KIF2C: variants seen among roughly 807,000 people sequenced by gnomAD.
KIF2C encodes kinesin family member 2C.
In KIF2C, 34 loss-of-function variants were observed where a neutral mutation model predicts 97.4. The observed-to-expected ratio is 0.35, with a 90% CI of 0.27 to 0.46. KIF2C has a LOEUF of 0.46. Ranked by LOEUF, KIF2C falls within the 20% of genes least tolerant of loss-of-function variation. The pLI is 1.00. For synonymous variants in KIF2C, 313 were observed against 318.2 expected, an observed-to-expected ratio of 0.98 and a Z score of 0.17; for missense variants, 750 against 907.6, an observed-to-expected ratio of 0.83 and a Z score of 2.23.
In KIF2C at chr1:44,753,218, A is replaced by T; in HGVS notation, c.526A>T (p.Ile176Phe). ...GGAGATGGAAGAGCAAGTCCATTCC[A>T]TCCGAGGCAGCTCTTCTGCAAACCC... is the stretch of plus-strand genomic sequence containing the variant. ...SEEMEEQVHS[I>F]RGSSSANPVN... The change falls in exon 6 of 21, where the codon ATC becomes TTC. Residue 176 changes from isoleucine to phenylalanine, a missense_variant. Ile to Phe is a conservative substitution (Grantham distance 21). Coordinates refer to ENST00000372224, the MANE Select transcript of KIF2C (RefSeq NM_006845.4). The T allele has an allele frequency of 6.2e-7, 1 of 1,613,906 alleles. No homozygotes were observed. The highest frequency in any genetic ancestry group is 8.5e-7 in the Non-Finnish European group (1 of 1,179,874).
intron 1 of KIF2C, 146 bp from the exon 2 acceptor site, chr1:44,740,767 T>G: frequency 1.8e-6 from 1 of 557,590 alleles, no homozygotes; most frequent in South Asian, 2.3e-5. Flanking sequence ...GGAGATTTAT[T>G]TGTTTCTCTT....
intron 17 of KIF2C, 35 bp from the exon 18 acceptor site, chr1:44,762,311 G>A: frequency 6.4e-7 from 1 of 1,555,654 alleles, no homozygotes; most frequent in Non-Finnish European, 8.9e-7. Context: ...TACCAAGGGG[G>A]TGCTGTGGGA....
intron 2 of KIF2C, among the ~76,000 whole-genome samples, chr1:44,744,160 C>G (rs1458662273): frequency 6.6e-6 from 1 of 151,884 alleles, no homozygotes; most frequent in Non-Finnish European, 1.5e-5. Context: ...CACGATCTCC[C>G]TCAGTGAGCC....
rs1173133368 is a variant in KIF2C, at chr1:44,759,341, G to A, written c.1360G>A (p.Ala454Thr). ...CATCAAGATGATCGACATGGGCAGC[G>A]CCTGCAGGTGAGAGTCCTGGTGAGG... ...DVIKMIDMGS[A>T]CRTSGQTFAN... Residue 454 changes from alanine (A) to threonine (T), a missense_variant, in exon 14 of 21, where the codon GCC becomes ACC. Coordinates refer to ENST00000372224, the MANE Select transcript of KIF2C (RefSeq NM_006845.4). The A allele has an allele frequency of 1.7e-5, 27 of 1,613,978 alleles. No homozygotes were observed. The highest frequency in any genetic ancestry group is 3.3e-5 in the Admixed American group (2 of 60,002).
chr1:44,760,231 G>T lies in KIF2C; in HGVS notation c.1368-49G>T, dbSNP rs1557599432. 1.3e-6 allele frequency: 2 copies of T among 1,555,122 alleles called. No individual in the cohort carries two copies. Among genetic ancestry groups the T allele is most frequent in the Non-Finnish European group, 1.8e-6 (2 of 1,129,406 alleles). On this transcript the variant is annotated intron_variant, in intron 14 of 20. Coordinates refer to ENST00000372224, the MANE Select transcript of KIF2C (RefSeq NM_006845.4). This position sits in a 1 kb window ranked among gnomAD's most constrained non-coding sequence, Gnocchi z 4.2. ...CTAGAGAACTTCTGTGGACTTGGGT[G>T]CCATGGGGGCTGGTGACCACAGAAT...
At chr1:44,750,227 A>C in intron 4 of KIF2C, 1 of 385,260 alleles carries the variant, frequency 2.6e-6, no homozygotes, top group Non-Finnish European at 4.6e-6. Context: ...CCTTGCCCTC[A>C]GGAGCTCCTA....
At chr1:44,765,401 A>G (rs1433244495) in intron 19 of KIF2C, among the ~76,000 whole-genome samples, 1 of 152,244 alleles carries the variant, frequency 6.6e-6, no homozygotes, top group African/African-American at 2.4e-5. Context: ...TAGTTCATGT[A>G]TACATATGTA....
At chr1:44,764,203 G>A (rs1375317138) in intron 19 of KIF2C, among the ~76,000 whole-genome samples, 7 of 152,110 alleles carry the variant, frequency 4.6e-5, no homozygotes, top group Non-Finnish European at 7.4e-5. Context: ...TTGAGACAGA[G>A]TCTCACTCGT....
chr1:44,750,523 T>C lies in KIF2C; in HGVS notation c.398T>C (p.Leu133Pro), dbSNP rs752796621. The part of the protein sequence containing the change: ...TAQENDMEVE[L>P]PAAANSRKQF... ...CAGGAGAATGACATGGAGGTGGAGC[T>C]GCCTGCAGCTGCAAACTCCCGCAAG... The change falls in exon 5 of 21, where the codon CTG (leucine) becomes CCG (proline). Residue 133 changes from leucine to proline, a missense_variant. Physicochemically the swap from Leu to Pro is moderately conservative, Grantham distance 98 (BLOSUM62 -3). Transcript: ENST00000372224. The C allele has an allele frequency of 1.3e-6, 2 of 1,586,188 alleles. No individual in the cohort carries two copies. Among genetic ancestry groups the C allele is most frequent in the Non-Finnish European group, 1.7e-6 (2 of 1,163,360 alleles).
In KIF2C at chr1:44,767,341, G is replaced by A. The variant is rs1650524832; in HGVS notation, c.*162G>A. On this transcript the variant is annotated 3_prime_UTR_variant, in exon 21 of 21. Transcript: ENST00000372224. ...CTGGGCCCAGGGCAGCTGGGGAGGG[G>A]GTCAGAGTGACATGGGACACTCCTT... 7 of 602,350 alleles carry A rather than the reference G, an allele frequency of 1.2e-5. No homozygotes were observed. In the East Asian group the frequency reaches 1.7e-4, roughly 15 times the overall value. 37.3% of individuals were successfully genotyped at this position (602,350 alleles called of 1,614,324 possible).
At chr1:44,746,881 TG>T (rs1413318610) in intron 2 of KIF2C, 48 of 1,027,644 alleles carry the variant, frequency 4.7e-5, no homozygotes, top group Admixed American at 2.9e-4. Context: ...TTTTCTATGT[TG>T]TTTTTTTGTT....
At chr1:44,764,737 T>G (rs1303942424) in intron 19 of KIF2C, among the ~76,000 whole-genome samples, 1 of 148,204 alleles carries the variant, frequency 6.7e-6, no homozygotes, top group African/African-American at 2.5e-5. Context: ...TCGAACTCCC[T>G]ACCTCAGGTG....
intron 2 of KIF2C, among the ~76,000 whole-genome samples, chr1:44,746,166 C>T (rs1263491546): frequency 6.6e-6 from 1 of 152,258 alleles, no homozygotes; most frequent in African/African-American, 2.4e-5. Context: ...GCGTGAGCCA[C>T]CGCACCCAGT....
chr1:44,747,720 C>CTT lies in KIF2C; in HGVS notation c.316+21_316+22dup, dbSNP rs1338396928. The CTT allele has an allele frequency of 5.0e-6, 8 of 1,605,782 alleles. No individual in the cohort carries two copies. Among genetic ancestry groups the CTT allele is most frequent in the Non-Finnish European group, 6.8e-6 (8 of 1,173,430 alleles). ...AAGAAAGTAAGTGGATTTCTACTAGCTTACTATCATGGAATTTGTGTCAGG... is the reference window on the plus strand; with the variant it reads ...AAGAAAGTAAGTGGATTTCTACTAGCTTTTACTATCATGGAATTTGTGTCAGG... On this transcript the variant is annotated intron_variant, in intron 4 of 20. Coordinates refer to ENST00000372224, the MANE Select transcript of KIF2C (RefSeq NM_006845.4).
chr1:44,764,691 T>G (rs1431261871), intron 19 of KIF2C, among the ~76,000 whole-genome samples: 4 of 151,864 alleles, frequency 2.6e-5, no homozygotes, highest in South Asian at 4.2e-4. Flanking sequence ...GTATTTTTAG[T>G]AGAGACGGGA....
Position 44,762,335 on chromosome 1 carries a change from T to C in KIF2C, c.1752-11T>C. ...GGTGCTGTGGGATCTGAGACCTCCTTGTTTCCTCAGGGTCAAGGAGCTGAG... is the reference window on the plus strand; with the variant it reads ...GGTGCTGTGGGATCTGAGACCTCCTCGTTTCCTCAGGGTCAAGGAGCTGAG... On this transcript the variant is annotated splice_polypyrimidine_tract_variant and intron_variant, in intron 17 of 20. Transcript: ENST00000372224. 6.2e-7 allele frequency: 1 copy of C among 1,611,332 alleles called. No individual in the cohort carries two copies. Among genetic ancestry groups the C allele is most frequent in the Non-Finnish European group, 8.5e-7 (1 of 1,177,506 alleles).
At chr1:44,742,304 T>G (rs911414875) in intron 2 of KIF2C, among the ~76,000 whole-genome samples, 7 of 151,330 alleles carry the variant, frequency 4.6e-5, no homozygotes, top group African/African-American at 1.7e-4. Flanking sequence ...AGAGATGGGG[T>G]TTCACTGTGT....
Position 44,747,699 on chromosome 1 carries a change from A to T in KIF2C, c.315A>T (p.Glu105Asp). Residue 105 changes from glutamate to aspartate, a missense_variant and splice_region_variant, in exon 4 of 21, where the codon GAA becomes GAT. Transcript: ENST00000372224. The stretch of plus-strand genomic sequence containing the variant: ...ACTCCAAAATTCCTGCTCCAAAAGA[A>T]AGTAAGTGGATTTCTACTAGCTTAC... ...SVNSKIPAPK[E>D]SLRSRSTRMS... 1.2e-6 allele frequency: 2 copies of T among 1,613,126 alleles called. No individual in the cohort carries two copies. Among genetic ancestry groups the T allele is most frequent in the Non-Finnish European group, 1.7e-6 (2 of 1,179,294 alleles).
chr1:44,765,830 TC>T (rs976204103), intron 19 of KIF2C, among the ~76,000 whole-genome samples: 25 of 152,178 alleles, frequency 1.6e-4, no homozygotes, highest in African/African-American at 5.1e-4. Flanking sequence ...TGCAGGCAGA[TC>T]AACTAAGGTC....
Sources: allele counts gnomAD v4.1 joint callset (sites outside exome capture counted in the v4.1 genomes callset), GRCh38; gene constraint gnomAD v4.1.1; non-coding constraint Gnocchi (gnomAD v3.1); transcripts MANE v1.5; gene names NCBI Gene and HGNC (gene_info 2026-07-23, HGNC 2026-07-21).